DYM: variants seen among roughly 807,000 people sequenced by gnomAD.
The protein encoded by DYM is dyggve-Melchior-Clausen syndrome protein.
Under a neutral mutation model 93.1 loss-of-function variants are expected in DYM, and 78 were observed. The ratio of observed to expected loss-of-function variants is 0.84; its 90% CI spans 0.70 to 1.01. The LOEUF (loss-of-function observed/expected upper bound fraction) is 1.01. Ranked by LOEUF, DYM falls within the 50% of genes least tolerant of loss-of-function variation. DYM has a pLI of 0.00. For synonymous variants in DYM, 321 were observed against 319.7 expected (o/e 1.00, Z -0.04); for missense variants, 789 against 845.0 (o/e 0.93, Z 0.82).
chr18:49,369,102 C>T (rs2066772135), intron 5 of DYM, among the ~76,000 whole-genome samples: 1 of 152,224 alleles, frequency 6.6e-6, no homozygotes, highest in Non-Finnish European at 1.5e-5. Flanking sequence ...AAATGTAAGC[C>T]TTTTCCCCGT....
At position 49,272,199 on chromosome 18, in the gene DYM, G is replaced by A. The variant is rs746340568; in HGVS notation, c.1230C>T (p.Phe410=). 32 of 1,612,218 alleles carry A rather than the reference G, an allele frequency of 2.0e-5. No individual in the cohort carries two copies. In the South Asian group the frequency reaches 3.4e-4, roughly 17 times the overall value. ...ILLILTEDDG[F]NRSIHEVILK... The stretch of plus-strand genomic sequence containing the variant: ...TTACCACTTCATGAATGGATCTGTT[G>A]AAGCCATCATCTTCCGTAAGGATCA... The change falls in exon 11 of 18, where the codon TTC becomes TTT. Residue 410 remains phenylalanine, a synonymous_variant. Transcript: ENST00000675505.
At chr18:49,060,847 A>G (rs1274951619) in intron 17 of DYM, among the ~76,000 whole-genome samples, 1 of 151,938 alleles carries the variant, frequency 6.6e-6, no homozygotes, top group Admixed American at 6.5e-5. Context: ...AAGATAGTTC[A>G]CCTGGGGTGG....
At chr18:49,321,372 T>A (rs2062469688) in intron 8 of DYM, 1 of 398,064 alleles carries the variant, frequency 2.5e-6, no homozygotes, top group Non-Finnish European at 4.4e-6. Flanking sequence ...AGTCTTCCCT[T>A]CAAATCTGTT....
intron 17 of DYM, among the ~76,000 whole-genome samples, chr18:49,060,790 A>T (rs1406486095): frequency 6.7e-6 from 1 of 148,344 alleles, no homozygotes; most frequent in East Asian, 2.0e-4. Context: ...AGGGAGAAGG[A>T]GGGAGAGAGA....
At chr18:49,389,644 A>G (rs1230404965) in intron 3 of DYM, among the ~76,000 whole-genome samples, 1 of 152,066 alleles carries the variant, frequency 6.6e-6, no homozygotes, top group Non-Finnish European at 1.5e-5. Context: ...CTACAGGCAC[A>G]TGCCACCATG....
At chr18:49,409,872 C>A (rs2072009405) in intron 2 of DYM, among the ~76,000 whole-genome samples, 1 of 152,204 alleles carries the variant, frequency 6.6e-6, no homozygotes. Context: ...CTGGGGTCAA[C>A]AGAAGCAGCA....
At chr18:49,317,567 CT>C (rs1170039923) in intron 8 of DYM, among the ~76,000 whole-genome samples, 18 of 11,602 alleles carry the variant, frequency 1.6e-3, no homozygotes, top group African/African-American at 0.012. Context: ...CTCTCTCTCT[CT>C]CTCTCTCTCT....
chr18:49,363,318 G>A (rs957771561), intron 5 of DYM, 85 bp from the exon 6 acceptor site: 19 of 941,776 alleles, frequency 2.0e-5, no homozygotes, highest in Non-Finnish European at 2.8e-5. Flanking sequence ...CATTCCTAAT[G>A]AGAATACAAA....
At chr18:49,310,593 T>C (rs1006862004) in intron 8 of DYM, among the ~76,000 whole-genome samples, 6 of 152,236 alleles carry the variant, frequency 3.9e-5, no homozygotes, top group Non-Finnish European at 7.3e-5. Context: ...AAAAGAATTA[T>C]TAGATATTTT....
At chr18:49,434,832 G>A (rs1002775109) in intron 1 of DYM, among the ~76,000 whole-genome samples, 1 of 151,690 alleles carries the variant, frequency 6.6e-6, no homozygotes, top group Non-Finnish European at 1.5e-5. Flanking sequence ...CAGGTGTGGT[G>A]GTGCATGGAG....
intron 14 of DYM, among the ~76,000 whole-genome samples, chr18:49,169,579 T>C (rs2088382777): frequency 6.6e-6 from 1 of 152,126 alleles, no homozygotes; most frequent in Admixed American, 6.6e-5. Flanking sequence ...AAAACTGCTG[T>C]GTTTGGTATT....
At chr18:49,070,403 G>A (rs1441925044) in intron 17 of DYM, among the ~76,000 whole-genome samples, 1 of 152,144 alleles carries the variant, frequency 6.6e-6, no homozygotes, top group African/African-American at 2.4e-5. Flanking sequence ...TGCAGGACTG[G>A]GGACTCACTC....
At chr18:49,046,165 GCA>G (rs1295641767) in intron 17 of DYM, among the ~76,000 whole-genome samples, 32 of 128,554 alleles carry the variant, frequency 2.5e-4, no homozygotes, top group Non-Finnish European at 4.6e-4. Context: ...ACCGAGGCAC[GCA>G]CACACAGATA....
At chr18:49,292,614 A>C (rs56810207) in intron 8 of DYM, among the ~76,000 whole-genome samples, 16 of 102,172 alleles carry the variant, frequency 1.6e-4, no homozygotes, top group South Asian at 3.2e-4. Context: ...AAAAAAAAAA[A>C]AAAAAAAAAA....
chr18:49,258,747 A>G (rs2094434721), intron 11 of DYM, among the ~76,000 whole-genome samples: 1 of 149,474 alleles, frequency 6.7e-6, no homozygotes, highest in Admixed American at 6.7e-5. Flanking sequence ...AAGTTAAGAC[A>G]TTTCCACTGT....
chr18:49,386,021 A>C (rs1174145656), intron 3 of DYM, among the ~76,000 whole-genome samples: 1 of 152,156 alleles, frequency 6.6e-6, no homozygotes, highest in Non-Finnish European at 1.5e-5. Context: ...TATGTTGCCC[A>C]GGCTGGCATC....
At chr18:49,269,376 C>A (rs942693423) in intron 11 of DYM, among the ~76,000 whole-genome samples, 1 of 151,962 alleles carries the variant, frequency 6.6e-6, no homozygotes, top group Non-Finnish European at 1.5e-5. Context: ...TAGATTGGAG[C>A]CACCAAGGTG....
At chr18:49,213,249 A>G (rs1436297582) in intron 13 of DYM, among the ~76,000 whole-genome samples, 1 of 152,060 alleles carries the variant, frequency 6.6e-6, no homozygotes, top group Non-Finnish European at 1.5e-5. Context: ...ATTTTTCAGT[A>G]CTTTAATAAT....
At chr18:49,352,374 C>T (rs2065186212) in intron 6 of DYM, among the ~76,000 whole-genome samples, 1 of 152,002 alleles carries the variant, frequency 6.6e-6, no homozygotes, top group South Asian at 2.1e-4. Context: ...TGAATGCTAT[C>T]TCAATAAAGC....
Sources: allele counts gnomAD v4.1 joint callset (sites outside exome capture counted in the v4.1 genomes callset), GRCh38; gene constraint gnomAD v4.1.1; transcripts MANE v1.5; gene names NCBI Gene and HGNC (gene_info 2026-07-23, HGNC 2026-07-21).